The following ARHGEF26 variants were observed in gnomAD, a reference collection of about 807,000 sequenced individuals.
The protein encoded by ARHGEF26 is Rho guanine nucleotide exchange factor 26.
Under a neutral mutation model 89.4 loss-of-function variants are expected in ARHGEF26, and 59 were observed. The ratio of observed to expected loss-of-function variants is 0.66; its 90% confidence interval spans 0.54 to 0.82. The LOEUF is 0.82. ARHGEF26 is among the 40% of genes least tolerant of loss of function. ARHGEF26 has a pLI of 0.00. For synonymous variants in ARHGEF26, 500 were observed against 428.4 expected, an observed-to-expected ratio of 1.17 and a Z score of -2.06; for missense variants, 1,234 against 1,085.6, an observed-to-expected ratio of 1.14 and a Z score of -1.92.
At chr3:154,224,621 C>T (rs1373536108) in intron 10 of ARHGEF26, among the ~76,000 whole-genome samples, 13 of 152,132 alleles carry the variant, frequency 8.5e-5, no homozygotes, top group Admixed American at 8.5e-4. Context: ...CCTAGTCTGC[C>T]GGAGTTATCT....
At chr3:154,186,163 A>ACACACC (rs1302150857) in intron 6 of ARHGEF26, among the ~76,000 whole-genome samples, 3 of 150,940 alleles carry the variant, frequency 2.0e-5, no homozygotes, top group East Asian at 1.9e-4. Context: ...ACACACACAC[A>ACACACC]CACCCCTATA....
At chr3:154,155,622 T>C (rs924271322) in intron 6 of ARHGEF26, among the ~76,000 whole-genome samples, 7 of 152,072 alleles carry the variant, frequency 4.6e-5, no homozygotes, top group African/African-American at 1.7e-4. Flanking sequence ...TATTTAGTTA[T>C]TATTTTAGTT....
intron 11 of ARHGEF26, among the ~76,000 whole-genome samples, chr3:154,232,747 T>TA (rs1215747562): frequency 6.6e-6 from 1 of 152,194 alleles, no homozygotes. Flanking sequence ...TTGGTACTGT[T>TA]ATTCCCACTT....
At chr3:154,194,117 T>G (rs1559890151) in intron 8 of ARHGEF26, among the ~76,000 whole-genome samples, 2 of 152,190 alleles carry the variant, frequency 1.3e-5, no homozygotes, top group Non-Finnish European at 2.9e-5. Context: ...CATGAGCCAC[T>G]GTGCCTGGCT....
chr3:154,253,135 A>G lies in ARHGEF26; in HGVS notation c.2320A>G (p.Ile774Val), dbSNP rs375540878. 1.2e-5 allele frequency: 19 copies of G among 1,613,872 alleles called. No homozygotes were observed. In the Admixed American group the frequency reaches 2.0e-4, roughly 17 times the overall value. Residue 774 changes from isoleucine (I) to valine (V), a missense_variant, in exon 13 of 15, where the codon ATA (isoleucine) becomes GTA (valine). By Grantham distance (29) the Ile-to-Val change is conservative. Coordinates refer to ENST00000465093, the MANE Select transcript of ARHGEF26 (RefSeq NM_015595.4). The part of the protein sequence containing the change: ...AETQSERARW[I>V]TALGHSSGKP... ...TTTTAGGAGCGAGCGAGCCCGCTGG[A>G]TAACTGCCCTGGGACACAGCAGCGG...
At chr3:154,227,320 G>A (rs552603347) in intron 11 of ARHGEF26, among the ~76,000 whole-genome samples, 2 of 136,136 alleles carry the variant, frequency 1.5e-5, no homozygotes, top group South Asian at 2.3e-4. Context: ...TTTTGAGATA[G>A]AGTCTTGCTG....
intron 11 of ARHGEF26, among the ~76,000 whole-genome samples, chr3:154,227,574 C>T (rs1271213242): frequency 6.6e-6 from 1 of 152,144 alleles, no homozygotes; most frequent in African/African-American, 2.4e-5. Context: ...AGCCACTGCG[C>T]CCAGCCGTAA....
At chr3:154,173,702 C>G (rs1712618474) in intron 6 of ARHGEF26, among the ~76,000 whole-genome samples, 1 of 152,142 alleles carries the variant, frequency 6.6e-6, no homozygotes. Flanking sequence ...TTTTTGCAAT[C>G]TATTGCTTGT....
At chr3:154,179,060 C>T (rs762779058) in intron 6 of ARHGEF26, among the ~76,000 whole-genome samples, 44 of 152,052 alleles carry the variant, frequency 2.9e-4, no homozygotes, top group African/African-American at 9.9e-4. Context: ...CAAGTTCTTG[C>T]GTAGATGTTT....
At chr3:154,233,339 A>T (rs552869236) in intron 11 of ARHGEF26, among the ~76,000 whole-genome samples, 68 of 152,356 alleles carry the variant, frequency 4.5e-4, no homozygotes, top group Non-Finnish European at 5.6e-4. Context: ...CATAAATTCA[A>T]TGTCCTTCAT....
chr3:154,241,208 G>A (rs1311186728), intron 12 of ARHGEF26, among the ~76,000 whole-genome samples: 2 of 152,152 alleles, frequency 1.3e-5, no homozygotes, highest in African/African-American at 4.8e-5. Flanking sequence ...TGATTTTTTG[G>A]TCCACTTAAA....
intron 6 of ARHGEF26, among the ~76,000 whole-genome samples, chr3:154,164,360 T>G (rs1414133069): frequency 6.6e-6 from 1 of 152,082 alleles, no homozygotes; most frequent in East Asian, 1.9e-4. Context: ...GATTAAATCA[T>G]GTAAGCCTTG....
At position 154,191,392 on chromosome 3, in the gene ARHGEF26, G is replaced by A. The variant is rs762425604; in HGVS notation, c.1744G>A (p.Val582Met). Residue 582 changes from valine (V) to methionine (M), a missense_variant, in exon 8 of 15, where the codon GTG becomes ATG. By Grantham distance (21) the Val-to-Met change is conservative. Coordinates refer to ENST00000465093, the MANE Select transcript of ARHGEF26 (RefSeq NM_015595.4). The stretch of plus-strand genomic sequence containing the variant: ...TTTTCTCATTCTCCCCATGCAGAGG[G>A]TGACCCGCCTTCCCCTGCTGATGGA... ...ISFLILPMQRVTRLPLLMDTI... is the reference protein window; with the variant it reads ...ISFLILPMQRMTRLPLLMDTI... 2 of 1,613,852 alleles carry A rather than the reference G, an allele frequency of 1.2e-6. No individual in the cohort carries two copies. The highest frequency in any genetic ancestry group is 2.2e-5 in the East Asian group (1 of 44,866).
chr3:154,187,473 G>A (rs1009131729), intron 6 of ARHGEF26, among the ~76,000 whole-genome samples: 2 of 149,102 alleles, frequency 1.3e-5, no homozygotes, highest in African/African-American at 4.9e-5. Flanking sequence ...TGAGATTATA[G>A]GCGTGAGCCA....
chr3:154,203,015 G>T (rs1317881135), intron 9 of ARHGEF26, among the ~76,000 whole-genome samples: 6 of 152,052 alleles, frequency 3.9e-5, no homozygotes, highest in Non-Finnish European at 5.9e-5. Flanking sequence ...GATTGCCCTG[G>T]TCAGAACTTC....
intron 6 of ARHGEF26, among the ~76,000 whole-genome samples, chr3:154,186,015 G>A (rs1462498415): frequency 3.3e-5 from 5 of 152,112 alleles, no homozygotes; most frequent in Admixed American, 3.3e-4. Context: ...TGTGAGTGTT[G>A]GGAGGGAAAG....
intron 6 of ARHGEF26, among the ~76,000 whole-genome samples, chr3:154,163,845 A>G (rs1711815439): frequency 6.6e-6 from 1 of 152,132 alleles, no homozygotes; most frequent in African/African-American, 2.4e-5. Flanking sequence ...TCTAGAAATA[A>G]CCTAATTGAT....
chr3:154,197,070 G>A (rs1714337925), intron 9 of ARHGEF26, among the ~76,000 whole-genome samples: 1 of 151,968 alleles, frequency 6.6e-6, no homozygotes, highest in African/African-American at 2.4e-5. Flanking sequence ...AGGAAAGGCT[G>A]GCAAAAATGT....
At chr3:154,220,832 A>T (rs752368627) in intron 10 of ARHGEF26, among the ~76,000 whole-genome samples, 10 of 152,196 alleles carry the variant, frequency 6.6e-5, no homozygotes, top group South Asian at 2.1e-4. Flanking sequence ...ATAAATTTTT[A>T]AAAAATTTCT....
Sources: allele counts gnomAD v4.1 joint callset (sites outside exome capture counted in the v4.1 genomes callset), GRCh38; gene constraint gnomAD v4.1.1; transcripts MANE v1.5; gene names NCBI Gene and HGNC (gene_info 2026-07-23, HGNC 2026-07-21).